The following RORA variants were observed in gnomAD, a reference collection of about 807,000 sequenced individuals.
RORA encodes RAR related orphan receptor A.
RORA carries 7 observed loss-of-function variants against 69.5 expected under a neutral mutation model. The observed-to-expected ratio is 0.10, with a 90% CI of 0.06 to 0.19. The LOEUF (loss-of-function observed/expected upper bound fraction) is 0.19, where lower values mean the gene tolerates loss of function less well. Ranked by LOEUF, RORA falls within the 10% of genes least tolerant of loss-of-function variation. RORA has a pLI of 1.00. For missense variants in RORA, 457 were observed against 663.0 expected, an observed-to-expected ratio of 0.69 and a Z score of 3.41; for synonymous variants, 261 against 240.8, an observed-to-expected ratio of 1.08 and a Z score of -0.78.
At chr15:60,567,410 A>ATTC (rs1368510747) in intron 2 of RORA, among the ~76,000 whole-genome samples, 1 of 148,206 alleles carries the variant, frequency 6.7e-6, no homozygotes, top group Non-Finnish European at 1.5e-5. Context: ...TATTATTATT[A>ATTC]TTATTATTTT....
chr15:61,059,779 A>G (rs542742185), intron 1 of RORA, among the ~76,000 whole-genome samples: 70 of 152,238 alleles, frequency 4.6e-4, no homozygotes, highest in African/African-American at 1.7e-3. Context: ...CAGTGAATTC[A>G]AAGTTCCCGT....
At chr15:60,835,791 A>G (rs767224838) in intron 1 of RORA, among the ~76,000 whole-genome samples, 18 of 152,236 alleles carry the variant, frequency 1.2e-4, no homozygotes, top group Admixed American at 1.1e-3. Context: ...CTATTCTGAC[A>G]TGCAACCAAG....
At chr15:60,882,064 T>C (rs1595788826) in intron 1 of RORA, among the ~76,000 whole-genome samples, 1 of 152,322 alleles carries the variant, frequency 6.6e-6, no homozygotes, top group East Asian at 1.9e-4. Context: ...CCCGTGCTAG[T>C]TAACCCAGGT....
intron 1 of RORA, among the ~76,000 whole-genome samples, chr15:60,999,671 G>A (rs1418204918): frequency 1.3e-5 from 2 of 152,114 alleles, no homozygotes; most frequent in Non-Finnish European, 1.5e-5. Flanking sequence ...GTGTGTGCTG[G>A]GGGCTCAGCC....
intron 2 of RORA, chr15:60,558,081 T>C (rs960260795): frequency 8.4e-6 from 4 of 475,220 alleles, no homozygotes; most frequent in East Asian, 6.6e-5. Flanking sequence ...GAATTAAATA[T>C]GGGTGATGTT....
chr15:60,592,716 G>T, intron 2 of RORA: 1 of 1,051,356 alleles, frequency 9.5e-7, no homozygotes, highest in Non-Finnish European at 1.2e-6. Context: ...GAGTAGCAGC[G>T]GCGGCTCTGC....
intron 1 of RORA, among the ~76,000 whole-genome samples, chr15:61,056,637 T>C (rs1215025378): frequency 6.6e-6 from 1 of 152,222 alleles, no homozygotes; most frequent in South Asian, 2.1e-4. Context: ...AACATGGTTC[T>C]AGAAATCAAA....
intron 1 of RORA, among the ~76,000 whole-genome samples, chr15:60,886,866 T>A (rs543880523): frequency 8.5e-5 from 13 of 152,310 alleles, no homozygotes; most frequent in Non-Finnish European, 1.3e-4. Flanking sequence ...GTTTGTGGCA[T>A]AGACTTGGAA....
rs142323682 is a variant in RORA, at chr15:60,985,826, C to T, written c.166+243227G>A. 7.2e-5 allele frequency among the ~76,000 whole-genome samples: 11 copies of T among 152,240 alleles called. 1 individual carries two copies. In the South Asian group the frequency reaches 1.5e-3, roughly 20 times the overall value. ...TCTCAATCTCTTGACCTCATCCGCC[C>T]GCTTTGGCCTCCCAAAATGCTGGGA... On this transcript the variant is annotated intron_variant, in intron 1 of 10. Coordinates refer to ENST00000335670, the MANE Select transcript of RORA (RefSeq NM_134261.3).
intron 1 of RORA, among the ~76,000 whole-genome samples, chr15:60,681,186 A>T (rs984611948): frequency 1.3e-5 from 2 of 152,216 alleles, no homozygotes; most frequent in Admixed American, 6.5e-5. Flanking sequence ...AGCAGAAAAC[A>T]TCCTTTTCAT....
intron 1 of RORA, among the ~76,000 whole-genome samples, chr15:60,871,749 T>G (rs1337656959): frequency 6.6e-6 from 1 of 152,192 alleles, no homozygotes; most frequent in African/African-American, 2.4e-5. Flanking sequence ...CATGCATAAT[T>G]AAAAACTTTA....
At chr15:60,994,962 A>G (rs1894488266) in intron 1 of RORA, among the ~76,000 whole-genome samples, 1 of 152,196 alleles carries the variant, frequency 6.6e-6, no homozygotes, top group Non-Finnish European at 1.5e-5. Flanking sequence ...AAAATCAGGA[A>G]GTGGTATAAC....
At chr15:60,664,200 A>G (rs574084593) in intron 2 of RORA, among the ~76,000 whole-genome samples, 98 of 152,324 alleles carry the variant, frequency 6.4e-4, no homozygotes, top group Non-Finnish European at 4.4e-4. Context: ...AAATCAGGCC[A>G]TGGAAAGTTC....
At chr15:60,948,222 TTTATTCC>T (rs921267498) in intron 1 of RORA, among the ~76,000 whole-genome samples, 1 of 152,098 alleles carries the variant, frequency 6.6e-6, no homozygotes. Flanking sequence ...GAGCCTATTT[TTTATTCC>T]CAGGCAAATA....
At chr15:61,165,533 A>G (rs1401407089) in intron 1 of RORA, among the ~76,000 whole-genome samples, 1 of 152,176 alleles carries the variant, frequency 6.6e-6, no homozygotes, top group Non-Finnish European at 1.5e-5. Flanking sequence ...CTTTTACCCT[A>G]AAGAAATTCC....
chr15:60,881,313 C>A (rs183741625), intron 1 of RORA, among the ~76,000 whole-genome samples: 19 of 152,340 alleles, frequency 1.2e-4, no homozygotes, highest in Non-Finnish European at 1.9e-4. Context: ...TAGAGAGAGA[C>A]CCTCATCAGG....
chr15:60,717,990 G>C (rs7165131), intron 1 of RORA, among the ~76,000 whole-genome samples: 43,536 of 151,304 alleles, frequency 0.29, 6,797 homozygotes, highest in East Asian at 0.65. Context: ...GTAGAGACAG[G>C]GTTTCACCAT....
At chr15:60,611,454 G>A (rs1172229041) in intron 2 of RORA, among the ~76,000 whole-genome samples, 2 of 147,932 alleles carry the variant, frequency 1.4e-5, no homozygotes, top group African/African-American at 5.0e-5. Context: ...GAGTTTTCTA[G>A]TGATATGAAA....
At chr15:61,005,332 T>C (rs536091682) in intron 1 of RORA, among the ~76,000 whole-genome samples, 1 of 151,982 alleles carries the variant, frequency 6.6e-6, no homozygotes, top group African/African-American at 2.4e-5. Flanking sequence ...ATACAAAAAA[T>C]AGCCAGTCGT....
Sources: gnomAD v4.1 joint callset for allele counts (sites outside exome capture counted in the v4.1 genomes callset) on GRCh38, gnomAD v4.1.1 for gene constraint, MANE v1.5 for transcripts, NCBI Gene and HGNC (gene_info 2026-07-23, HGNC 2026-07-21) for gene names.